ADAM10: variants seen among roughly 807,000 people sequenced by gnomAD.
ADAM10 encodes disintegrin and metalloproteinase domain-containing protein 10.
ADAM10 carries 17 observed loss-of-function variants against 90.1 expected under a neutral mutation model. The observed-to-expected ratio is 0.19, with a 90% CI of 0.13 to 0.28. The LOEUF (loss-of-function observed/expected upper bound fraction) is 0.28, where lower values mean the gene tolerates loss of function less well. ADAM10 is among the 10% of genes least tolerant of loss of function. ADAM10 has a pLI of 1.00. For synonymous variants in ADAM10, 310 were observed against 298.6 expected, an observed-to-expected ratio of 1.04 and a Z score of -0.40; for missense variants, 610 against 914.3, an observed-to-expected ratio of 0.67 and a Z score of 4.29.
In ADAM10 at chr15:58,596,977, A is replaced by C. The variant is rs1284073942; in HGVS notation, c.*570T>G. ...TCTGTTATCCTGAGTATGTCAATTA[A>C]ACAGTAATTTTTAATTAAGAGCGGA... On this transcript the variant is annotated 3_prime_UTR_variant, in exon 16 of 16. Coordinates refer to ENST00000260408, the MANE Select transcript of ADAM10 (RefSeq NM_001110.4). 1.2e-5 allele frequency: 2 copies of C among 169,502 alleles called. No individual in the cohort carries two copies. Among genetic ancestry groups the C allele is most frequent in the Non-Finnish European group, 2.6e-5 (2 of 77,996 alleles). The allele number at this position is 169,502 out of a possible 1,614,324, so 10.5% of individuals were successfully genotyped here. A position where few individuals can be genotyped will look rare whatever the true frequency, so the allele number is the denominator to read the frequency against.
chr15:58,639,524 G>A (rs184434454), intron 8 of ADAM10, among the ~76,000 whole-genome samples: 1,591 of 152,272 alleles, frequency 0.01, 24 homozygotes, highest in Non-Finnish European at 0.014. Flanking sequence ...TTTCGAACAT[G>A]AAAAATCATA....
intron 2 of ADAM10, chr15:58,692,927 T>C (rs779401579): frequency 1.6e-5 from 11 of 708,358 alleles, no homozygotes; most frequent in African/African-American, 1.2e-4. Flanking sequence ...GTCATGCCAA[T>C]GCCTGTGTTG....
chr15:58,636,052 G>A (rs1463846475), intron 8 of ADAM10, among the ~76,000 whole-genome samples: 1 of 152,072 alleles, frequency 6.6e-6, no homozygotes, highest in Non-Finnish European at 1.5e-5. Context: ...GGCGGCAGGC[G>A]GATCACCTGA....
chr15:58,597,453 G>A lies in ADAM10; in HGVS notation c.*94C>T, dbSNP rs761262019. 12 of 1,598,718 alleles carry A rather than the reference G, an allele frequency of 7.5e-6. No homozygotes were observed. In the African/African-American group the frequency reaches 1.6e-4, roughly 21 times the overall value. ...TTTTTTCTTCAACTGTTACTTGTGA[G>A]GGTTTAGTTTGGAGATGATGACTTA... On this transcript the variant is annotated 3_prime_UTR_variant, in exon 16 of 16. Coordinates refer to ENST00000260408, the MANE Select transcript of ADAM10 (RefSeq NM_001110.4).
intron 1 of ADAM10, chr15:58,748,885 G>A (rs1482900486): frequency 5.0e-6 from 2 of 399,156 alleles, no homozygotes; most frequent in Non-Finnish European, 4.4e-6. Flanking sequence ...CCACTCCACG[G>A]GCGGCCCCTC....
At chr15:58,728,603 G>A in intron 1 of ADAM10, among the ~76,000 whole-genome samples, 1 of 151,032 alleles carries the variant, frequency 6.6e-6, no homozygotes, top group Admixed American at 6.6e-5. Context: ...AAAGAAAAAA[G>A]AAAAATGTTG....
intron 2 of ADAM10, among the ~76,000 whole-genome samples, chr15:58,689,149 G>A (rs1467505072): frequency 1.3e-5 from 2 of 152,148 alleles, no homozygotes; most frequent in Non-Finnish European, 2.9e-5. Context: ...ATCCATCAAA[G>A]AGACTGATTA....
intron 2 of ADAM10, chr15:58,692,477 C>A (rs1354884035): frequency 1.9e-6 from 1 of 520,298 alleles, no homozygotes; most frequent in South Asian, 1.5e-5. Flanking sequence ...TTTTCTTTAT[C>A]ATCTTTATCT....
intron 5 of ADAM10, chr15:58,655,128 C>T (rs1896777160): frequency 6.6e-6 from 1 of 151,376 alleles, no homozygotes; most frequent in Non-Finnish European, 1.5e-5. Context: ...TGAAGTCTAT[C>T]TCTCTCTCTT....
At chr15:58,695,407 C>T (rs1430017109) in intron 2 of ADAM10, among the ~76,000 whole-genome samples, 1 of 152,094 alleles carries the variant, frequency 6.6e-6, no homozygotes, top group African/African-American at 2.4e-5. Context: ...AATTCTAGGC[C>T]ATATATGTGA....
chr15:58,731,840 G>C (rs1313387767), intron 1 of ADAM10, among the ~76,000 whole-genome samples: 3 of 152,058 alleles, frequency 2.0e-5, no homozygotes, highest in Non-Finnish European at 4.4e-5. Flanking sequence ...TGTGCGGCCT[G>C]GTCTTGAAAG....
Position 58,633,266 on chromosome 15 carries a change from C to T in ADAM10, c.1106G>A (p.Gly369Glu). The T allele has an allele frequency of 6.2e-7, 1 of 1,613,344 alleles. No individual in the cohort carries two copies. The highest frequency in any genetic ancestry group is 8.5e-7 in the Non-Finnish European group (1 of 1,179,524). The change falls in exon 9 of 16, where the codon GGG (glycine) becomes GAG (glutamate). Residue 369 changes from glycine (G) to glutamate (E), a missense_variant. Coordinates refer to ENST00000260408, the MANE Select transcript of ADAM10 (RefSeq NM_001110.4). ...NTGIITVQNYGSHVPPKVSHI... is the reference protein window; with the variant it reads ...NTGIITVQNYESHVPPKVSHI... The stretch of plus-strand genomic sequence containing the variant: ...AGAGACTTTGGGAGGTACATGAGAC[C>T]CATAGTTCTGAACAGTAATAATTCC...
chr15:58,597,609 T>C lies in ADAM10; in HGVS notation c.2185A>G (p.Ile729Val), dbSNP rs754749206. The change falls in exon 16 of 16, where the codon ATT becomes GTT. Residue 729 changes from isoleucine to valine, a missense_variant. By Grantham distance (29) the Ile-to-Val change is conservative. Coordinates refer to ENST00000260408, the MANE Select transcript of ADAM10 (RefSeq NM_001110.4). ...TLKRRRPPQPIQQPQRQRPRE... is the reference protein window; with the variant it reads ...TLKRRRPPQPVQQPQRQRPRE... ...GGCCGCTGACGCTGGGGTTGCTGAA[T>C]GGGCTGTGGAGGTCTCCTCCTCTTT... 44 of 1,614,042 alleles carry C rather than the reference T, an allele frequency of 2.7e-5. 1 individual carries two copies. The South Asian group carries it at 4.1e-4, about 15-fold the overall frequency.
intron 11 of ADAM10, among the ~76,000 whole-genome samples, chr15:58,620,660 A>ATTTTTTTTTTTTTTTTTTTTTTTTTTTTT (rs570842513): frequency 5.0e-5 from 3 of 59,442 alleles, no homozygotes; most frequent in Non-Finnish European, 4.7e-5. Flanking sequence ...AAGAATATGT[A>ATTTTTTTTTTTTTTTTTTTTTTTTTTTTT]TTTTTTTTTT....
At chr15:58,624,177 T>A (rs2141012010) in intron 10 of ADAM10, among the ~76,000 whole-genome samples, 2 of 151,908 alleles carry the variant, frequency 1.3e-5, no homozygotes, top group African/African-American at 2.4e-5. Context: ...CCCCAGCTAC[T>A]TGGGAGGCTG....
intron 7 of ADAM10, among the ~76,000 whole-genome samples, chr15:58,643,305 T>A (rs1283872367): frequency 6.6e-6 from 1 of 152,126 alleles, no homozygotes; most frequent in African/African-American, 2.4e-5. Flanking sequence ...GATGTTAATA[T>A]ATTTTTTCTA....
chr15:58,681,235 G>C (rs1897432747), intron 3 of ADAM10, among the ~76,000 whole-genome samples: 1 of 152,116 alleles, frequency 6.6e-6, no homozygotes, highest in African/African-American at 2.4e-5. Context: ...TAATCAAGAA[G>C]ACAATATAAC....
chr15:58,684,568 G>A (rs1337507629), intron 2 of ADAM10, among the ~76,000 whole-genome samples: 1 of 152,224 alleles, frequency 6.6e-6, no homozygotes, highest in Non-Finnish European at 1.5e-5. Context: ...TGAGTTGATT[G>A]GAGGGTAGTG....
intron 1 of ADAM10, among the ~76,000 whole-genome samples, chr15:58,726,085 T>C (rs181964293): frequency 1.5e-3 from 223 of 152,216 alleles, no homozygotes; most frequent in African/African-American, 5.1e-3. Context: ...AAACACACAA[T>C]CTACTGTGGA....
Sources: gnomAD v4.1 joint callset for allele counts (sites outside exome capture counted in the v4.1 genomes callset) on GRCh38, gnomAD v4.1.1 for gene constraint, MANE v1.5 for transcripts, NCBI Gene and HGNC (gene_info 2026-07-23, HGNC 2026-07-21) for gene names.